The following NXPH1 variants were observed in gnomAD, a reference collection of about 807,000 sequenced individuals.
NXPH1 encodes the protein neurexophilin 1, also known as neurexophilin-1.
A neutral mutation model predicts 23.7 loss-of-function variants in NXPH1; 5 were observed. That is an observed-to-expected ratio of 0.21 (90% CI 0.11 to 0.44). NXPH1 has a LOEUF of 0.44. Among genes scored for constraint, NXPH1 ranks in the 20% least tolerant of loss-of-function variants. NXPH1 has a pLI of 0.99. For missense variants in NXPH1, 324 were observed against 321.6 expected, an observed-to-expected ratio of 1.01 and a Z score of -0.06; for synonymous variants, 144 against 122.2, an observed-to-expected ratio of 1.18 and a Z score of -1.18.
chr7:8,436,510 C>G (rs1816198768), intron 2 of NXPH1, among the ~76,000 whole-genome samples: 1 of 152,142 alleles, frequency 6.6e-6, no homozygotes, highest in Non-Finnish European at 1.5e-5. Flanking sequence ...GGGGGCTGGA[C>G]TTTGTACACT....
chr7:8,695,470 T>C (rs981283468), intron 2 of NXPH1, among the ~76,000 whole-genome samples: 2 of 152,244 alleles, frequency 1.3e-5, no homozygotes, highest in African/African-American at 4.8e-5. Context: ...AAGTCACAAT[T>C]TACTGCAATC....
intron 2 of NXPH1, among the ~76,000 whole-genome samples, chr7:8,527,466 T>A (rs1329651104): frequency 2.0e-5 from 3 of 152,170 alleles, no homozygotes; most frequent in African/African-American, 7.2e-5. Context: ...CTAACATGGC[T>A]CCTCCTTAAA....
chr7:8,700,275 C>G (rs1490810699), intron 2 of NXPH1, among the ~76,000 whole-genome samples: 3 of 152,138 alleles, frequency 2.0e-5, no homozygotes, highest in African/African-American at 7.2e-5. Context: ...TCTATTACTT[C>G]TATTTATCTT....
rs114476781 is a variant in NXPH1 at position 8,737,165 on chromosome 7, A to G, written c.55-13843A>G. Among the ~76,000 whole-genome samples, 555 of 152,154 alleles carry G rather than the reference A, an allele frequency of 3.6e-3. 2 individuals carry two copies. The highest frequency in any genetic ancestry group is 0.013 in the African/African-American group (524 of 41,530). On this transcript the variant is annotated intron_variant, in intron 2 of 2. Transcript: ENST00000405863. ...AATATTGTTGTGTGTGAATTTGATC[A>G]TGTCAGTATGATGCTAGCTGGTTAT...
At position 8,604,083 on chromosome 7, in the gene NXPH1, A is replaced by T. The variant is rs1164127045; in HGVS notation, c.55-146925A>T. On this transcript the variant is annotated intron_variant, in intron 2 of 2. Transcript: ENST00000405863. ...AAATGAGGAAAAAAATAAAAAAAAA[A>T]GTGGATGGTTCTATCCTTTCTTCTA... 4.6e-5 allele frequency among the ~76,000 whole-genome samples: 7 copies of T among 152,218 alleles called. No individual in the cohort carries two copies. The East Asian group carries it at 1.2e-3, about 25-fold the overall frequency.
Position 8,679,586 on chromosome 7 carries a change from T to C in NXPH1, c.55-71422T>C, listed in dbSNP as rs115002551. On this transcript the variant is annotated intron_variant, in intron 2 of 2. Transcript: ENST00000405863. Reference sequence around the variant, plus strand: ...CCCTCAATGTTTCTTTGTCACAAATTAACTTTTGTTATTATTTTTGGTGTG... The same window carrying C: ...CCCTCAATGTTTCTTTGTCACAAATCAACTTTTGTTATTATTTTTGGTGTG... Among the ~76,000 whole-genome samples, 1,263 of 152,344 alleles carry C rather than the reference T, an allele frequency of 8.3e-3. 18 individuals carry two copies. The highest frequency in any genetic ancestry group is 0.029 in the African/African-American group (1,190 of 41,590).
chr7:8,606,469 A>G (rs973710373), intron 2 of NXPH1, among the ~76,000 whole-genome samples: 2 of 152,146 alleles, frequency 1.3e-5, no homozygotes, highest in South Asian at 4.1e-4. Flanking sequence ...TCAATATTAA[A>G]GTACTTCCCA....
intron 2 of NXPH1, among the ~76,000 whole-genome samples, chr7:8,463,268 A>G (rs1563317525): frequency 1.3e-5 from 2 of 152,010 alleles, no homozygotes; most frequent in Admixed American, 6.5e-5. Flanking sequence ...TCTTGGAGGT[A>G]TTACCAAATG....
chr7:8,648,179 TTTAAG>T (rs1820426121), intron 2 of NXPH1, among the ~76,000 whole-genome samples: 1 of 152,206 alleles, frequency 6.6e-6, no homozygotes, highest in Non-Finnish European at 1.5e-5. Flanking sequence ...AATTATATTC[TTTAAG>T]TTATTTAAAA....
At chr7:8,467,360 A>G (rs1167812345) in intron 2 of NXPH1, among the ~76,000 whole-genome samples, 1 of 152,180 alleles carries the variant, frequency 6.6e-6, no homozygotes, top group Non-Finnish European at 1.5e-5. Context: ...CCCTAAGGTC[A>G]TATCATGCAC....
chr7:8,628,719 G>T (rs1340326585), intron 2 of NXPH1, among the ~76,000 whole-genome samples: 3 of 152,008 alleles, frequency 2.0e-5, no homozygotes, highest in Non-Finnish European at 4.4e-5. Flanking sequence ...GTATTTGAAA[G>T]AAAATAAATA....
intron 2 of NXPH1, among the ~76,000 whole-genome samples, chr7:8,524,118 T>A (rs1817822008): frequency 6.6e-6 from 1 of 151,706 alleles, no homozygotes; most frequent in Non-Finnish European, 1.5e-5. Context: ...GGCAGGCACC[T>A]GTAATCCCAG....
chr7:8,598,321 C>T (rs1176393130), intron 2 of NXPH1, among the ~76,000 whole-genome samples: 2 of 152,044 alleles, frequency 1.3e-5, no homozygotes, highest in African/African-American at 4.8e-5. Flanking sequence ...ATAATTCACC[C>T]CGTCTCAATT....
intron 2 of NXPH1, among the ~76,000 whole-genome samples, chr7:8,620,580 C>T (rs1819846182): frequency 6.6e-6 from 1 of 152,160 alleles, no homozygotes; most frequent in South Asian, 2.1e-4. Flanking sequence ...CAGCCTGACT[C>T]CTCATGTAGC....
At chr7:8,632,794 T>C (rs1820155915) in intron 2 of NXPH1, among the ~76,000 whole-genome samples, 1 of 152,222 alleles carries the variant, frequency 6.6e-6, no homozygotes, top group Non-Finnish European at 1.5e-5. Flanking sequence ...AGAAATATTG[T>C]AGTTTGTTAG....
chr7:8,550,115 C>CT lies in NXPH1; in HGVS notation c.54+114349dup, dbSNP rs1194158207. Reference sequence around the variant, plus strand: ...AGTTATAAAACTTGCCTGCGGTGATCTGGAGACTTTAGTGAAAAGCAGGAA... The same window carrying CT: ...AGTTATAAAACTTGCCTGCGGTGATCTTGGAGACTTTAGTGAAAAGCAGGAA... On this transcript the variant is annotated intron_variant, in intron 2 of 2. Transcript: ENST00000405863. Among the ~76,000 whole-genome samples, 6 of 151,616 alleles carry CT rather than the reference C, an allele frequency of 4.0e-5. No individual in the cohort carries two copies. The East Asian group carries it at 1.2e-3, about 30-fold the overall frequency.
chr7:8,571,324 A>C (rs1334241927), intron 2 of NXPH1, among the ~76,000 whole-genome samples: 1 of 151,750 alleles, frequency 6.6e-6, no homozygotes, highest in Non-Finnish European at 1.5e-5. Context: ...TGGTATGGGG[A>C]TAGTGGGTAG....
intron 2 of NXPH1, among the ~76,000 whole-genome samples, chr7:8,628,373 T>TTG (rs1820041386): frequency 1.4e-5 from 2 of 140,072 alleles, no homozygotes; most frequent in Admixed American, 7.9e-5. Flanking sequence ...CATAGGTGTT[T>TTG]TTTTTTTTTT....
intron 2 of NXPH1, among the ~76,000 whole-genome samples, chr7:8,653,828 T>C (rs534964394): frequency 6.6e-6 from 1 of 152,314 alleles, no homozygotes; most frequent in African/African-American, 2.4e-5. Flanking sequence ...TTGGACTTCA[T>C]GCATTTTCTT....
Sources: gnomAD v4.1 joint callset for allele counts (sites outside exome capture counted in the v4.1 genomes callset) on GRCh38, gnomAD v4.1.1 for gene constraint, MANE v1.5 for transcripts, NCBI Gene and HGNC (gene_info 2026-07-23, HGNC 2026-07-21) for gene names.